The following AGBL4 variants were observed in gnomAD, a reference collection of about 807,000 sequenced individuals.
The protein encoded by AGBL4 is AGBL carboxypeptidase 4, also known as cytosolic carboxypeptidase 6.
In AGBL4, 58 loss-of-function variants were observed where a neutral mutation model predicts 66.4. That is an observed-to-expected ratio of 0.87 (90% CI 0.71 to 1.09). The LOEUF is 1.09. Ranked by LOEUF, AGBL4 falls within the 50% of genes least tolerant of loss-of-function variation. AGBL4 has a pLI of 0.00. For synonymous variants in AGBL4, 234 were observed against 222.9 expected (o/e 1.05, Z -0.44); for missense variants, 579 against 631.0 (o/e 0.92, Z 0.88).
At chr1:49,676,485 G>A (rs947506386) in intron 3 of AGBL4, among the ~76,000 whole-genome samples, 1 of 152,030 alleles carries the variant, frequency 6.6e-6, no homozygotes, top group African/African-American at 2.4e-5. Context: ...CCAAAGGAAA[G>A]ATAATTTTAT....
At chr1:49,310,394 G>A (rs989675845) in intron 3 of AGBL4, among the ~76,000 whole-genome samples, 2 of 152,030 alleles carry the variant, frequency 1.3e-5, no homozygotes, top group Non-Finnish European at 2.9e-5. Flanking sequence ...TGGTGGTTCC[G>A]GTAATCCAGT....
At chr1:49,934,696 G>A (rs1025733350) in intron 1 of AGBL4, among the ~76,000 whole-genome samples, 3 of 151,628 alleles carry the variant, frequency 2.0e-5, no homozygotes, top group African/African-American at 7.3e-5. Context: ...CCTATAGTAA[G>A]AATAAGAAAG....
intron 4 of AGBL4, among the ~76,000 whole-genome samples, chr1:49,091,044 T>C (rs540382615): frequency 1.3e-5 from 2 of 152,096 alleles, no homozygotes; most frequent in South Asian, 2.1e-4. Context: ...ATGCAGAAGA[T>C]TGAAGCTGGA....
intron 5 of AGBL4, among the ~76,000 whole-genome samples, chr1:48,935,674 T>A (rs889354967): frequency 3.3e-5 from 5 of 151,724 alleles, no homozygotes; most frequent in African/African-American, 1.2e-4. Context: ...AAGTAGAAGA[T>A]GGGCTGGGTG....
At chr1:48,854,266 A>G (rs1014693456) in intron 6 of AGBL4, among the ~76,000 whole-genome samples, 4 of 152,172 alleles carry the variant, frequency 2.6e-5, no homozygotes, top group Non-Finnish European at 5.9e-5. Flanking sequence ...TAAGGCTGGC[A>G]TCCTGCTCCA....
At chr1:48,828,523 G>T in intron 6 of AGBL4, among the ~76,000 whole-genome samples, 1 of 152,208 alleles carries the variant, frequency 6.6e-6, no homozygotes. Context: ...ACTGGTGCCA[G>T]TTCCCTGCAT....
At chr1:48,846,372 A>AGAAAGAAG (rs1491395778) in intron 6 of AGBL4, among the ~76,000 whole-genome samples, 1 of 133,128 alleles carries the variant, frequency 7.5e-6, no homozygotes, top group Non-Finnish European at 1.5e-5. Context: ...GAAGAAAGAA[A>AGAAAGAAG]GAAAGAAAGA....
chr1:49,251,298 G>A (rs1199288109), intron 3 of AGBL4, among the ~76,000 whole-genome samples: 1 of 152,162 alleles, frequency 6.6e-6, no homozygotes, highest in Non-Finnish European at 1.5e-5. Flanking sequence ...CTTTGCTGGT[G>A]TGTGTCTGCA....
chr1:49,829,008 G>A (rs1222350389), intron 2 of AGBL4, among the ~76,000 whole-genome samples: 1 of 151,700 alleles, frequency 6.6e-6, no homozygotes, highest in Non-Finnish European at 1.5e-5. Flanking sequence ...GGCGGAGCTT[G>A]CAGTCAGCCA....
chr1:49,050,029 C>T (rs1304673355), intron 4 of AGBL4, among the ~76,000 whole-genome samples: 1 of 151,964 alleles, frequency 6.6e-6, no homozygotes. Context: ...AGGTTGTTCA[C>T]GACTCCCCAG....
intron 3 of AGBL4, among the ~76,000 whole-genome samples, chr1:49,504,890 T>C (rs1025469463): frequency 1.3e-5 from 2 of 152,000 alleles, no homozygotes; most frequent in African/African-American, 4.8e-5. Context: ...TTTTGTTGTT[T>C]TATTATTATT....
At chr1:48,591,129 T>A (rs1449491178) in intron 9 of AGBL4, 144 bp from the exon 10 acceptor site, 7 of 723,686 alleles carry the variant, frequency 9.7e-6, no homozygotes, top group South Asian at 4.3e-5. Context: ...GCTGACCCTG[T>A]GTGTCAGCAG....
At chr1:49,870,907 T>C (rs1646822268) in intron 1 of AGBL4, among the ~76,000 whole-genome samples, 2 of 152,230 alleles carry the variant, frequency 1.3e-5, no homozygotes, top group South Asian at 2.1e-4. Context: ...GATGAAGATA[T>C]AAAATGGTTC....
chr1:48,982,036 AT>A (rs1243471090), intron 5 of AGBL4, among the ~76,000 whole-genome samples: 1 of 152,170 alleles, frequency 6.6e-6, no homozygotes, highest in Non-Finnish European at 1.5e-5. Context: ...AGGTAGATAA[AT>A]GGTGAAGAAC....
At chr1:49,276,346 A>G (rs948604158) in intron 3 of AGBL4, among the ~76,000 whole-genome samples, 1 of 152,170 alleles carries the variant, frequency 6.6e-6, no homozygotes, top group African/African-American at 2.4e-5. Context: ...AAAACTCTCC[A>G]AAACTATCAA....
chr1:49,442,877 A>G (rs1265412765), intron 3 of AGBL4, among the ~76,000 whole-genome samples: 5 of 152,128 alleles, frequency 3.3e-5, no homozygotes, highest in Non-Finnish European at 7.4e-5. Flanking sequence ...CATGGTGGCT[A>G]TAGTAATTTA....
At chr1:48,822,186 T>G (rs566369067) in intron 6 of AGBL4, among the ~76,000 whole-genome samples, 1 of 152,348 alleles carries the variant, frequency 6.6e-6, no homozygotes, top group Non-Finnish European at 1.5e-5. Flanking sequence ...TCCTGGCTAC[T>G]TATCCAATGA....
In AGBL4 at chr1:49,541,801, G is replaced by A. The variant is rs572452636; in HGVS notation, c.282+155512C>T. Among the ~76,000 whole-genome samples, 4 of 152,366 alleles carry A rather than the reference G, an allele frequency of 2.6e-5. No individual in the cohort carries two copies. The South Asian group carries it at 6.2e-4, about 24-fold the overall frequency. ...GGCTCCTGAGTCTATTGGGGACTTG[G>A]AGAACCTTTATGTCTAGCTAAGCGA... On this transcript the variant is annotated intron_variant, in intron 3 of 13. Transcript: ENST00000371839.
chr1:49,256,894 C>G (rs528522441), intron 3 of AGBL4, among the ~76,000 whole-genome samples: 1 of 152,176 alleles, frequency 6.6e-6, no homozygotes, highest in African/African-American at 2.4e-5. Context: ...ATGAATGGTC[C>G]TGGATCAATG....
Sources: allele counts gnomAD v4.1 joint callset (sites outside exome capture counted in the v4.1 genomes callset), GRCh38; gene constraint gnomAD v4.1.1; transcripts MANE v1.5; gene names NCBI Gene and HGNC (gene_info 2026-07-23, HGNC 2026-07-21).